GSK3B: variants seen among roughly 807,000 people sequenced by gnomAD.
GSK3B encodes the protein glycogen synthase kinase 3 beta.
GSK3B carries 15 observed loss-of-function variants against 56.4 expected under a neutral mutation model. The ratio of observed to expected loss-of-function variants is 0.27; its 90% CI spans 0.18 to 0.41. The LOEUF (loss-of-function observed/expected upper bound fraction) is 0.41. Among genes scored for constraint, GSK3B ranks in the 10% least tolerant of loss-of-function variants. GSK3B has a pLI of 1.00. For missense variants in GSK3B, 300 were observed against 513.4 expected, an observed-to-expected ratio of 0.58 and a Z score of 4.02; for synonymous variants, 181 against 188.9, an observed-to-expected ratio of 0.96 and a Z score of 0.34.
intron 10 of GSK3B, among the ~76,000 whole-genome samples, chr3:119,831,130 C>A (rs1372004498): frequency 6.6e-6 from 1 of 152,016 alleles, no homozygotes. Flanking sequence ...AGAAAGGAAG[C>A]ACAAATAGAT....
intron 5 of GSK3B, 59 bp downstream of exon 5, chr3:119,915,982 AAAG>A: frequency 8.4e-7 from 1 of 1,189,976 alleles, no homozygotes; most frequent in Non-Finnish European, 1.2e-6. Context: ...AATATATTTA[AAAG>A]AAGATAGTAG....
chr3:119,876,093 T>A (rs1576167154), intron 8 of GSK3B, among the ~76,000 whole-genome samples: 4 of 152,270 alleles, frequency 2.6e-5, no homozygotes, highest in South Asian at 4.1e-4. Context: ...TACACCTCTA[T>A]GTAAATAAAC....
At chr3:120,001,896 A>G in intron 2 of GSK3B, 150 bp downstream of exon 2, 1 of 484,288 alleles carries the variant, frequency 2.1e-6, no homozygotes. Context: ...AAAATACATG[A>G]CTAGAAATAA....
chr3:120,080,106 T>C (rs751687040), intron 1 of GSK3B, among the ~76,000 whole-genome samples: 1 of 151,876 alleles, frequency 6.6e-6, no homozygotes, highest in South Asian at 2.1e-4. Flanking sequence ...GCCTGGGTAA[T>C]ATAGCAAAAT....
chr3:119,904,049 C>A (rs1238623242), intron 7 of GSK3B, among the ~76,000 whole-genome samples: 1 of 152,004 alleles, frequency 6.6e-6, no homozygotes, highest in Non-Finnish European at 1.5e-5. Flanking sequence ...CCAAAAAGAA[C>A]TCAATTCTTC....
At chr3:120,037,798 G>C (rs544649768) in intron 1 of GSK3B, among the ~76,000 whole-genome samples, 1 of 151,884 alleles carries the variant, frequency 6.6e-6, no homozygotes, top group Admixed American at 6.6e-5. Flanking sequence ...GTTATTCTAG[G>C]TCAGTCATTA....
At chr3:119,979,098 C>T (rs2057436584) in intron 2 of GSK3B, among the ~76,000 whole-genome samples, 1 of 152,232 alleles carries the variant, frequency 6.6e-6, no homozygotes, top group South Asian at 2.1e-4. Context: ...TAGTCTTTTA[C>T]TGTAACACAG....
Position 119,905,794 on chromosome 3 carries a change from T to C in GSK3B, c.774A>G (p.Pro258=). 6.2e-7 allele frequency: 1 copy of C among 1,602,468 alleles called. No individual in the cohort carries two copies. Among genetic ancestry groups the C allele is most frequent in the Non-Finnish European group, 8.6e-7 (1 of 1,169,478 alleles). The change falls in exon 7 of 11, where the codon CCA becomes CCG. Residue 258 remains proline, a synonymous_variant. Coordinates refer to ENST00000264235, the MANE Select transcript of GSK3B (RefSeq NM_001146156.2). ...CCAACTGATCCACACCACTATCCCCTGGAAATATTGGTTGTCCTAGTAACA... is the reference window on the plus strand; with the variant it reads ...CCAACTGATCCACACCACTATCCCCCGGAAATATTGGTTGTCCTAGTAACA... ...AELLLGQPIF[P]GDSGVDQLVE... is the part of the protein sequence containing the mutation.
chr3:119,940,951 T>A (rs934492093), intron 3 of GSK3B, among the ~76,000 whole-genome samples: 1 of 152,036 alleles, frequency 6.6e-6, no homozygotes, highest in Non-Finnish European at 1.5e-5. Context: ...GCATATAGTA[T>A]CTCATACCTT....
At chr3:120,017,299 C>T (rs2057835373) in intron 1 of GSK3B, among the ~76,000 whole-genome samples, 1 of 152,134 alleles carries the variant, frequency 6.6e-6, no homozygotes, top group Admixed American at 6.5e-5. Context: ...CAACCTTGAG[C>T]AGCCAGAAGA....
At position 120,094,305 on chromosome 3, in the gene GSK3B, T is replaced by G. The variant is rs201519023; in HGVS notation, c.-871A>C. 1.7e-4 allele frequency: 42 copies of G among 241,460 alleles called. No homozygotes were observed. In the South Asian group the frequency reaches 3.0e-3, roughly 17 times the overall value. The allele number at this position is 241,460 out of a possible 1,614,324, so 15.0% of individuals were successfully genotyped here. A position where few individuals can be genotyped will look rare whatever the true frequency, so the allele number is the denominator to read the frequency against. ...GTGCCCGCTCAGGAAGTGTCCGCGC[T>G]TTGCCCCAGCCCAGAGCCCTGTCAG... On this transcript the variant is annotated 5_prime_UTR_variant, in exon 1 of 11. Coordinates refer to ENST00000264235, the MANE Select transcript of GSK3B (RefSeq NM_001146156.2).
intron 3 of GSK3B, among the ~76,000 whole-genome samples, chr3:119,930,965 T>C (rs1032360554): frequency 6.6e-6 from 1 of 152,232 alleles, no homozygotes; most frequent in Non-Finnish European, 1.5e-5. Context: ...TCTAATTTAC[T>C]ACACTATGAG....
chr3:120,073,192 G>GGA (rs2058339812), intron 1 of GSK3B, among the ~76,000 whole-genome samples: 1 of 145,466 alleles, frequency 6.9e-6, no homozygotes, highest in African/African-American at 2.5e-5. Context: ...GGACAACATA[G>GGA]GGAGACCTCA....
rs1182207024 is a variant in GSK3B at position 119,962,397 on chromosome 3, C to CA, written c.283-15047dup. Among the ~76,000 whole-genome samples, 6 of 146,026 alleles carry CA rather than the reference C, an allele frequency of 4.1e-5. No homozygotes were observed. The South Asian group carries it at 6.5e-4, about 16-fold the overall frequency. ...TCTCAAAAAAAAAAAAAAACAAAAA[C>CA]AAAAAAACAAAAAAAGCCTATAACT... is the stretch of plus-strand genomic sequence containing the variant. On this transcript the variant is annotated intron_variant, in intron 2 of 10. Coordinates refer to ENST00000264235, the MANE Select transcript of GSK3B (RefSeq NM_001146156.2).
At chr3:119,935,902 C>T (rs2056989009) in intron 3 of GSK3B, among the ~76,000 whole-genome samples, 1 of 152,128 alleles carries the variant, frequency 6.6e-6, no homozygotes. Context: ...CACTATGACC[C>T]AAGTGAGATT....
At chr3:119,911,537 A>C (rs1366978479) in intron 6 of GSK3B, among the ~76,000 whole-genome samples, 3 of 152,166 alleles carry the variant, frequency 2.0e-5, no homozygotes, top group South Asian at 2.1e-4. Context: ...CTCTAGAAGA[A>C]GTCTTCCATC....
intron 4 of GSK3B, among the ~76,000 whole-genome samples, chr3:119,922,878 G>C (rs2056857118): frequency 1.3e-5 from 2 of 152,006 alleles, no homozygotes; most frequent in South Asian, 4.1e-4. Flanking sequence ...AAATAAACAA[G>C]ATGGCATTGA....
chr3:119,962,000 T>C (rs998327189), intron 2 of GSK3B, among the ~76,000 whole-genome samples: 1 of 152,194 alleles, frequency 6.6e-6, no homozygotes, highest in Non-Finnish European at 1.5e-5. Context: ...TTAAATGTAT[T>C]TTTGACTTAA....
intron 4 of GSK3B, among the ~76,000 whole-genome samples, chr3:119,920,985 C>T (rs143345006): frequency 2.0e-4 from 30 of 152,294 alleles, no homozygotes; most frequent in African/African-American, 6.7e-4. Flanking sequence ...CTAAATACCA[C>T]CTCCCACTAA....
Sources: allele counts gnomAD v4.1 joint callset (sites outside exome capture counted in the v4.1 genomes callset), GRCh38; gene constraint gnomAD v4.1.1; transcripts MANE v1.5; gene names NCBI Gene and HGNC (gene_info 2026-07-23, HGNC 2026-07-21).